Variants in TIMM9 observed in about 807,000 individuals in gnomAD.
TIMM9 encodes the protein translocase of inner mitochondrial membrane 9.
In TIMM9, 10 loss-of-function variants were observed where a neutral mutation model predicts 13.4. The observed-to-expected ratio is 0.75, with a 90% CI of 0.46 to 1.26. The LOEUF (loss-of-function observed/expected upper bound fraction) is 1.26, where lower values mean the gene tolerates loss of function less well. TIMM9 is among the 50% of genes most tolerant of loss of function. The pLI, the probability that TIMM9 is intolerant of heterozygous loss-of-function variation, is 0.00. For missense variants in TIMM9, 87 were observed against 100.8 expected (o/e 0.86, Z 0.58); for synonymous variants, 32 against 32.1 (o/e 1.00, Z 0.01).
chr14:58,410,813 T>G lies in TIMM9; in HGVS notation c.135+30A>C, dbSNP rs193180714. On this transcript the variant is annotated intron_variant, in intron 5 of 5. Coordinates refer to ENST00000395159, the MANE Select transcript of TIMM9 (RefSeq NM_012460.4). ...TACTTAGAGTGTTTATGAAGGCTTG[T>G]AGAATTTTAGTGAGTAACACTTTTC... 24 of 1,505,744 alleles carry G rather than the reference T, an allele frequency of 1.6e-5. 1 individual carries two copies. The highest frequency in any genetic ancestry group is 1.3e-4 in the South Asian group (11 of 84,586). 93.3% of individuals were successfully genotyped at this position (1,505,744 alleles called of 1,614,324 possible). A position where few individuals can be genotyped will look rare whatever the true frequency, so the allele number is the denominator to read the frequency against.
At chr14:58,412,184 C>A in intron 3 of TIMM9, 1 of 424,952 alleles carries the variant, frequency 2.4e-6, no homozygotes, top group Non-Finnish European at 4.3e-6. Context: ...CACTCTGTCA[C>A]CAGGCTGGAG....
intron 4 of TIMM9, 47 bp downstream of exon 4, chr14:58,411,860 C>T (rs2140315388): frequency 1.3e-6 from 2 of 1,576,536 alleles, no homozygotes; most frequent in Non-Finnish European, 1.7e-6. Context: ...TTAGTAGCAC[C>T]TTACATTTTT....
At chr14:58,422,353 T>A (rs575556162) in intron 3 of TIMM9, among the ~76,000 whole-genome samples, 2 of 152,086 alleles carry the variant, frequency 1.3e-5, no homozygotes, top group Non-Finnish European at 2.9e-5. Context: ...CGACCTCAGG[T>A]GATCCTCCTG....
At chr14:58,421,926 G>T (rs1409769074) in intron 3 of TIMM9, among the ~76,000 whole-genome samples, 1 of 151,884 alleles carries the variant, frequency 6.6e-6, no homozygotes, top group African/African-American at 2.4e-5. Context: ...TGCACCTCAG[G>T]AGGACACCCA....
chr14:58,409,887 AT>A (rs2036157832), intron 5 of TIMM9, among the ~76,000 whole-genome samples: 1 of 151,700 alleles, frequency 6.6e-6, no homozygotes, highest in Non-Finnish European at 1.5e-5. Context: ...CTATTTATTT[AT>A]TTTTTTGAGA....
intron 3 of TIMM9, among the ~76,000 whole-genome samples, chr14:58,415,473 T>G (rs1374086750): frequency 3.3e-5 from 5 of 152,098 alleles, no homozygotes; most frequent in African/African-American, 1.2e-4. Flanking sequence ...ATGAACACAC[T>G]TGAAACAAAT....
At chr14:58,425,809 A>G (rs1360524596) in intron 2 of TIMM9, among the ~76,000 whole-genome samples, 1 of 152,164 alleles carries the variant, frequency 6.6e-6, no homozygotes, top group East Asian at 1.9e-4. Flanking sequence ...AATTACGAAG[A>G]GAAAATGTAA....
At chr14:58,409,852 C>G (rs924196105) in intron 5 of TIMM9, among the ~76,000 whole-genome samples, 8 of 151,880 alleles carry the variant, frequency 5.3e-5, no homozygotes, top group Non-Finnish European at 7.4e-5. Flanking sequence ...TGCTGAAGTT[C>G]CAGGCGTGAG....
chr14:58,422,805 GATTT>G (rs1279389607), intron 3 of TIMM9, among the ~76,000 whole-genome samples: 1 of 151,824 alleles, frequency 6.6e-6, no homozygotes, highest in East Asian at 1.9e-4. Flanking sequence ...TTATTTTTGA[GATTT>G]ATTTATTTAT....
intron 3 of TIMM9, among the ~76,000 whole-genome samples, chr14:58,414,037 G>T (rs921906620): frequency 4.0e-4 from 12 of 30,362 alleles, no homozygotes; most frequent in Non-Finnish European, 7.9e-4. Flanking sequence ...AAAAAAAAAA[G>T]GTTTGTATAA....
intron 2 of TIMM9, among the ~76,000 whole-genome samples, chr14:58,425,447 C>T (rs1392393514): frequency 6.6e-6 from 1 of 151,684 alleles, no homozygotes; most frequent in Non-Finnish European, 1.5e-5. Flanking sequence ...GCTTGTAGTC[C>T]TAGCTACTCA....
chr14:58,420,411 G>T (rs1278311196), intron 3 of TIMM9, among the ~76,000 whole-genome samples: 2 of 152,088 alleles, frequency 1.3e-5, no homozygotes, highest in Non-Finnish European at 2.9e-5. Context: ...CCGTAAAAAG[G>T]TATTTCAGCA....
At chr14:58,417,133 G>A (rs1342248200) in intron 3 of TIMM9, among the ~76,000 whole-genome samples, 2 of 152,138 alleles carry the variant, frequency 1.3e-5, no homozygotes, top group African/African-American at 2.4e-5. Flanking sequence ...CATGTAAGAT[G>A]TGACTTGCTC....
At chr14:58,419,367 A>C (rs1446613800) in intron 3 of TIMM9, among the ~76,000 whole-genome samples, 1 of 150,568 alleles carries the variant, frequency 6.6e-6, no homozygotes, top group Non-Finnish European at 1.5e-5. Flanking sequence ...AGGCAGGAGA[A>C]TCATTTGAGC....
chr14:58,414,036 A>AAAAAAAAAC (rs398025244), intron 3 of TIMM9, among the ~76,000 whole-genome samples: 1 of 144,192 alleles, frequency 6.9e-6, no homozygotes, highest in African/African-American at 2.6e-5. Context: ...AAAAAAAAAA[A>AAAAAAAAAC]GGTTTGTATA....
At chr14:58,417,114 T>G (rs752382860) in intron 3 of TIMM9, among the ~76,000 whole-genome samples, 1 of 152,154 alleles carries the variant, frequency 6.6e-6, no homozygotes, top group African/African-American at 2.4e-5. Flanking sequence ...CTCTTTGCCT[T>G]CTGCCATCCA....
rs371179525 is a variant in TIMM9 at position 58,408,994 on chromosome 14, T to C, written c.*40A>G. ...GTCCTCATTTCCAATAAAGCAGCTG[T>C]TGGCAATCTTTCATCAAAAGTTCAT... is the stretch of plus-strand genomic sequence containing the variant. On this transcript the variant is annotated 3_prime_UTR_variant, in exon 6 of 6. Coordinates refer to ENST00000395159, the MANE Select transcript of TIMM9 (RefSeq NM_012460.4). The C allele has an allele frequency of 6.3e-6, 10 of 1,591,532 alleles. No individual in the cohort carries two copies. The highest frequency in any genetic ancestry group is 4.6e-5 in the South Asian group (4 of 86,816).
chr14:58,416,002 G>T (rs1037422480), intron 3 of TIMM9, among the ~76,000 whole-genome samples: 1 of 151,640 alleles, frequency 6.6e-6, no homozygotes. Flanking sequence ...GGTCGATTGA[G>T]GTCAGGAGTT....
Position 58,409,152 on chromosome 14 carries a change from T to C in TIMM9, c.152A>G (p.His51Arg). The C allele has an allele frequency of 6.2e-7, 1 of 1,613,672 alleles. No individual in the cohort carries two copies. The highest frequency in any genetic ancestry group is 8.5e-7 in the Non-Finnish European group (1 of 1,179,916). ...CATTTTTAAATATTTCTGTAAGCAATGTTCTGAACAGGTGGTCTAGGAATG... is the reference window on the plus strand; with the variant it reads ...CATTTTTAAATATTTCTGTAAGCAACGTTCTGAACAGGTGGTCTAGGAATG... ...VKPEETTCSE[H>R]CLQKYLKMTQ... The change falls in exon 6 of 6, where the codon CAT becomes CGT. Residue 51 changes from histidine (H) to arginine (R), a missense_variant. Transcript: ENST00000395159.
Sources: gnomAD v4.1 joint callset for allele counts (sites outside exome capture counted in the v4.1 genomes callset) on GRCh38, gnomAD v4.1.1 for gene constraint, MANE v1.5 for transcripts, NCBI Gene and HGNC (gene_info 2026-07-23, HGNC 2026-07-21) for gene names.